SKAP2: variants seen among roughly 807,000 people sequenced by gnomAD.
The protein encoded by SKAP2 is src kinase associated phosphoprotein 2.
SKAP2 carries 28 observed loss-of-function variants against 54.9 expected under a neutral mutation model. That is an observed-to-expected ratio of 0.51 (90% CI 0.38 to 0.70). The LOEUF (loss-of-function observed/expected upper bound fraction) is 0.70. SKAP2 is among the 30% of genes least tolerant of loss of function. The pLI, the probability that SKAP2 is intolerant of heterozygous loss-of-function variation, is 0.00. For synonymous variants in SKAP2, 137 were observed against 134.3 expected (o/e 1.02, Z -0.14); for missense variants, 356 against 424.1 (o/e 0.84, Z 1.41).
chr7:26,731,492 C>A (rs1369183367), intron 6 of SKAP2, among the ~76,000 whole-genome samples: 1 of 152,180 alleles, frequency 6.6e-6, no homozygotes, highest in Non-Finnish European at 1.5e-5. Context: ...TCTCCCTGGG[C>A]AATCTCATCT....
At chr7:26,831,262 T>C (rs936430164) in intron 4 of SKAP2, among the ~76,000 whole-genome samples, 1 of 152,106 alleles carries the variant, frequency 6.6e-6, no homozygotes. Flanking sequence ...TGCTCATTAC[T>C]CAAAAGAAAG....
chr7:26,702,347 G>A (rs2127946553), intron 9 of SKAP2, among the ~76,000 whole-genome samples: 2 of 152,072 alleles, frequency 1.3e-5, no homozygotes, highest in East Asian at 3.9e-4. Flanking sequence ...TTGCCATGTT[G>A]CCCAGGCTGG....
At chr7:26,822,158 C>T (rs1454596553) in intron 4 of SKAP2, among the ~76,000 whole-genome samples, 8 of 152,080 alleles carry the variant, frequency 5.3e-5, no homozygotes, top group African/African-American at 1.9e-4. Context: ...CTTCAATTAC[C>T]CATCTGTATT....
intron 9 of SKAP2, among the ~76,000 whole-genome samples, chr7:26,720,814 C>T (rs546225184): frequency 6.6e-6 from 1 of 152,274 alleles, no homozygotes; most frequent in South Asian, 2.1e-4. Context: ...ATAGGGGACA[C>T]TGCCCCCATC....
intron 1 of SKAP2, among the ~76,000 whole-genome samples, chr7:26,856,650 C>T (rs1785169921): frequency 6.6e-6 from 1 of 152,098 alleles, no homozygotes; most frequent in South Asian, 2.1e-4. Context: ...TCACTGGCTC[C>T]CCTGAGATCA....
intron 6 of SKAP2, among the ~76,000 whole-genome samples, chr7:26,730,185 T>C (rs1787792994): frequency 2.0e-5 from 3 of 152,222 alleles, no homozygotes; most frequent in Admixed American, 2.0e-4. Flanking sequence ...GTTTCTCTTC[T>C]GGAGAGAGAA....
intron 11 of SKAP2, among the ~76,000 whole-genome samples, chr7:26,680,820 G>A (rs1026844751): frequency 1.3e-5 from 2 of 152,136 alleles, no homozygotes; most frequent in African/African-American, 4.8e-5. Context: ...TCTCAGCCAG[G>A]GGTCACATGA....
chr7:26,817,045 A>G (rs541050674), intron 4 of SKAP2, among the ~76,000 whole-genome samples: 1 of 152,276 alleles, frequency 6.6e-6, no homozygotes, highest in South Asian at 2.1e-4. Flanking sequence ...AAAATTGTGT[A>G]TGCATACTTC....
chr7:26,857,219 G>T (rs1230064151), intron 1 of SKAP2, among the ~76,000 whole-genome samples: 30 of 131,300 alleles, frequency 2.3e-4, no homozygotes, highest in African/African-American at 8.7e-4. Context: ...TCCCAGAAAA[G>T]GTTTAAAGCA....
chr7:26,781,938 G>A (rs1209026538), intron 4 of SKAP2, among the ~76,000 whole-genome samples: 5 of 152,112 alleles, frequency 3.3e-5, no homozygotes, highest in Non-Finnish European at 7.4e-5. Context: ...TGACCTCCCT[G>A]AATAGATCAA....
At chr7:26,688,541 G>C (rs1786700454) in intron 10 of SKAP2, among the ~76,000 whole-genome samples, 1 of 152,160 alleles carries the variant, frequency 6.6e-6, no homozygotes, top group Non-Finnish European at 1.5e-5. Context: ...CAAACTTCTA[G>C]TGTTACATCT....
intron 9 of SKAP2, among the ~76,000 whole-genome samples, chr7:26,695,877 T>C (rs2189018): frequency 0.016 from 2,404 of 152,156 alleles, 61 homozygotes; most frequent in African/African-American, 0.055. Flanking sequence ...GAGTGGGAGA[T>C]GGAAGAGGTG....
chr7:26,783,266 T>C (rs1783465443), intron 4 of SKAP2, among the ~76,000 whole-genome samples: 1 of 152,184 alleles, frequency 6.6e-6, no homozygotes, highest in Non-Finnish European at 1.5e-5. Flanking sequence ...TGTTGACTTG[T>C]GTTCCTAAGA....
intron 6 of SKAP2, among the ~76,000 whole-genome samples, chr7:26,732,850 C>T (rs1433550652): frequency 6.6e-6 from 1 of 152,178 alleles, no homozygotes; most frequent in African/African-American, 2.4e-5. Context: ...CATTCGTGGT[C>T]ATCAGACCCT....
intron 4 of SKAP2, among the ~76,000 whole-genome samples, chr7:26,765,706 C>A (rs530601272): frequency 6.6e-6 from 1 of 152,278 alleles, no homozygotes; most frequent in African/African-American, 2.4e-5. Context: ...GTTTTCCCAA[C>A]ACCATTTATT....
chr7:26,674,487 A>G (rs1786310086), intron 11 of SKAP2, among the ~76,000 whole-genome samples: 1 of 152,222 alleles, frequency 6.6e-6, no homozygotes, highest in Non-Finnish European at 1.5e-5. Flanking sequence ...TTATCTTTAT[A>G]AATGCACAAC....
At chr7:26,803,321 G>C (rs774172862) in intron 4 of SKAP2, among the ~76,000 whole-genome samples, 2 of 152,180 alleles carry the variant, frequency 1.3e-5, no homozygotes, top group Non-Finnish European at 2.9e-5. Context: ...CCTTTGAACA[G>C]ACATTTCTCA....
At chr7:26,822,753 G>A (rs1784407604) in intron 4 of SKAP2, among the ~76,000 whole-genome samples, 2 of 151,834 alleles carry the variant, frequency 1.3e-5, no homozygotes, top group Non-Finnish European at 2.9e-5. Flanking sequence ...CGTGGTGGCG[G>A]GCGCCTGCAG....
chr7:26,771,368 G>A (rs1783184759), intron 4 of SKAP2, among the ~76,000 whole-genome samples: 1 of 152,192 alleles, frequency 6.6e-6, no homozygotes, highest in Admixed American at 6.5e-5. Context: ...TTAAAGGGAA[G>A]AGAAGTCAAC....
Sources: allele counts gnomAD v4.1 joint callset (sites outside exome capture counted in the v4.1 genomes callset), GRCh38; gene constraint gnomAD v4.1.1; transcripts MANE v1.5; gene names NCBI Gene and HGNC (gene_info 2026-07-23, HGNC 2026-07-21).